SHB: variants seen among roughly 807,000 people sequenced by gnomAD.
SHB encodes the protein SH2 domain-containing adapter protein B.
In SHB, 20 loss-of-function variants were observed where a neutral mutation model predicts 52.3. The ratio of observed to expected loss-of-function variants is 0.38; its 90% CI spans 0.27 to 0.56. SHB has a LOEUF of 0.56. Among genes scored for constraint, SHB ranks in the 20% least tolerant of loss-of-function variants. SHB has a pLI of 0.71. For missense variants in SHB, 825 were observed against 723.3 expected (o/e 1.14, Z -1.61); for synonymous variants, 397 against 316.5 (o/e 1.25, Z -2.70).
intron 1 of SHB, among the ~76,000 whole-genome samples, chr9:38,053,463 T>G (rs1036685054): frequency 4.6e-5 from 7 of 152,106 alleles, no homozygotes; most frequent in Non-Finnish European, 8.8e-5. Flanking sequence ...GGTCTACATC[T>G]CCTGACCTCG....
intron 1 of SHB, among the ~76,000 whole-genome samples, chr9:38,040,936 G>A (rs559819375): frequency 6.6e-6 from 1 of 152,094 alleles, no homozygotes. Flanking sequence ...AGCCACACTG[G>A]GGACACGTGG....
chr9:37,917,340 G>A lies in SHB; in HGVS notation c.*2481C>T, dbSNP rs1832113205. 6.6e-6 allele frequency among the ~76,000 whole-genome samples: 1 copy of A among 152,190 alleles called. No homozygotes were observed. Among genetic ancestry groups the A allele is most frequent in the South Asian group, 2.1e-4 (1 of 4,828 alleles). On this transcript the variant is annotated 3_prime_UTR_variant, in exon 6 of 6. Transcript: ENST00000377707. ...TTCAGGAAGACGAAGGCCAGGGACA[G>A]AGGGAGGGTCCCAGGAATACCCTAA... is the stretch of plus-strand genomic sequence containing the variant.
At chr9:38,042,182 C>A (rs1476503738) in intron 1 of SHB, among the ~76,000 whole-genome samples, 1 of 152,170 alleles carries the variant, frequency 6.6e-6, no homozygotes, top group African/African-American at 2.4e-5. Context: ...GCCCCTGTCT[C>A]CTCATCAGGG....
intron 2 of SHB, among the ~76,000 whole-genome samples, chr9:37,993,302 A>C (rs1195030054): frequency 6.6e-6 from 1 of 152,220 alleles, no homozygotes; most frequent in Non-Finnish European, 1.5e-5. Flanking sequence ...AAAGGAAGTC[A>C]CAGGAAGAAA....
intron 1 of SHB, among the ~76,000 whole-genome samples, chr9:38,034,058 G>A (rs1056420147): frequency 2.6e-5 from 4 of 152,096 alleles, no homozygotes; most frequent in Non-Finnish European, 4.4e-5. Flanking sequence ...CTGGCCCAGC[G>A]ATGTCATAAA....
In SHB at chr9:38,068,417, T is replaced by G; in HGVS notation, c.229A>C (p.Thr77Pro). Residue 77 changes from threonine to proline, a missense_variant, in exon 1 of 6, where the codon ACC (threonine) becomes CCC (proline). Transcript: ENST00000377707. ...CGGTAGGCGCGGATGAGGTCGCTGG[T>G]GCTGCCGCTGTCGTCGGGCAGCGAG... Reference protein sequence around the residue: ...SGSLPDDSGSTSDLIRAYRAQ... With the variant: ...SGSLPDDSGSPSDLIRAYRAQ... The G allele has an allele frequency of 6.4e-7, 1 of 1,567,650 alleles. No individual in the cohort carries two copies. Among genetic ancestry groups the G allele is most frequent in the Non-Finnish European group, 8.6e-7 (1 of 1,160,982 alleles).
intron 3 of SHB, among the ~76,000 whole-genome samples, chr9:37,968,292 G>A (rs568255370): frequency 5.3e-5 from 8 of 152,250 alleles, no homozygotes; most frequent in South Asian, 2.1e-4. Context: ...CCATTTTACA[G>A]ATAAGTAAAC....
intron 2 of SHB, among the ~76,000 whole-genome samples, chr9:37,975,772 G>GGAC (rs1820645886): frequency 6.6e-6 from 1 of 152,226 alleles, no homozygotes; most frequent in Non-Finnish European, 1.5e-5. Flanking sequence ...GAACCTCACT[G>GGAC]TTCCCAGCAG....
At chr9:37,938,088 T>C (rs1031705784) in intron 5 of SHB, among the ~76,000 whole-genome samples, 1 of 152,216 alleles carries the variant, frequency 6.6e-6, no homozygotes, top group Non-Finnish European at 1.5e-5. Flanking sequence ...TTGTATCGCT[T>C]ACCCAGCTAT....
At chr9:37,953,894 C>T (rs1430849588) in intron 4 of SHB, among the ~76,000 whole-genome samples, 2 of 152,090 alleles carry the variant, frequency 1.3e-5, no homozygotes, top group Non-Finnish European at 2.9e-5. Context: ...GGAGATGAGA[C>T]GATGGGGGAG....
At chr9:38,001,263 T>C (rs1821010165) in intron 2 of SHB, among the ~76,000 whole-genome samples, 1 of 152,210 alleles carries the variant, frequency 6.6e-6, no homozygotes, top group Non-Finnish European at 1.5e-5. Context: ...TTGGTAATCC[T>C]GAAATCTCAA....
chr9:37,935,182 C>G (rs768208224), intron 5 of SHB, among the ~76,000 whole-genome samples: 1 of 152,234 alleles, frequency 6.6e-6, no homozygotes, highest in Non-Finnish European at 1.5e-5. Flanking sequence ...TTTGTTGCCT[C>G]AGTCATCTTA....
chr9:37,983,216 C>G (rs1175336754), intron 2 of SHB, among the ~76,000 whole-genome samples: 1 of 152,176 alleles, frequency 6.6e-6, no homozygotes, highest in Non-Finnish European at 1.5e-5. Flanking sequence ...ATTGGGGGAA[C>G]CTGGGAGGGC....
intron 1 of SHB, among the ~76,000 whole-genome samples, chr9:38,050,780 T>C (rs963321010): frequency 6.6e-6 from 1 of 152,104 alleles, no homozygotes; most frequent in Admixed American, 6.5e-5. Flanking sequence ...AGAAAACAGA[T>C]GTAATCAGAA....
At chr9:38,047,277 T>C (rs922006744) in intron 1 of SHB, among the ~76,000 whole-genome samples, 3 of 152,242 alleles carry the variant, frequency 2.0e-5, no homozygotes, top group African/African-American at 7.2e-5. Flanking sequence ...CAATGAGAGA[T>C]GTACCTGAAG....
intron 1 of SHB, among the ~76,000 whole-genome samples, chr9:38,044,825 G>T (rs941871312): frequency 1.3e-5 from 2 of 152,222 alleles, no homozygotes; most frequent in Admixed American, 1.3e-4. Flanking sequence ...CCACTCTGGG[G>T]TCAGGCCCCG....
In SHB at chr9:38,068,178, G is replaced by T; in HGVS notation, c.468C>A (p.Ser156=). 1 of 1,425,918 alleles carries T rather than the reference G, an allele frequency of 7.0e-7. No homozygotes were observed. The allele number at this position is 1,425,918 out of a possible 1,614,324, so 88.3% of individuals were successfully genotyped here. ...TGCTGCGGTAGAGATGCGGAGAGCC[G>T]GAGGACGAGGACGAGGACGCGGCGG... ...AGAAASSSSS[S]GSPHLYRSSS... is the part of the protein sequence containing the mutation. The change falls in exon 1 of 6, where the codon TCC becomes TCA. Residue 156 remains serine (S), a synonymous_variant. Coordinates refer to ENST00000377707, the MANE Select transcript of SHB (RefSeq NM_003028.3).
intron 2 of SHB, among the ~76,000 whole-genome samples, chr9:38,008,425 T>G (rs1264800006): frequency 6.6e-6 from 1 of 152,242 alleles, no homozygotes; most frequent in East Asian, 1.9e-4. Context: ...CTATTTACAC[T>G]TGATGATCTC....
intron 1 of SHB, among the ~76,000 whole-genome samples, chr9:38,051,487 C>A (rs1250333478): frequency 6.7e-6 from 1 of 150,154 alleles, no homozygotes; most frequent in Non-Finnish European, 1.5e-5. Flanking sequence ...GGACAAAGGG[C>A]AAGTAGGCGA....
Sources: allele counts gnomAD v4.1 joint callset (sites outside exome capture counted in the v4.1 genomes callset), GRCh38; gene constraint gnomAD v4.1.1; transcripts MANE v1.5; gene names NCBI Gene and HGNC (gene_info 2026-07-23, HGNC 2026-07-21).